The following SPIRE1 variants were observed in gnomAD, a reference collection of about 807,000 sequenced individuals.
SPIRE1 encodes the protein protein spire homolog 1.
A neutral mutation model predicts 94.1 loss-of-function variants in SPIRE1; 40 were observed. That is an observed-to-expected ratio of 0.43 (90% CI 0.33 to 0.55). SPIRE1 has a LOEUF of 0.55. Among genes scored for constraint, SPIRE1 ranks in the 20% least tolerant of loss-of-function variants. The probability of loss-of-function intolerance (pLI) is 0.06; values close to 1 mark genes in which losing one functional copy is unlikely to be tolerated. For missense variants in SPIRE1, 838 were observed against 975.2 expected (o/e 0.86, Z 1.87); for synonymous variants, 376 against 371.7 (o/e 1.01, Z -0.13).
Position 12,657,923 on chromosome 18 carries a change from C to T in SPIRE1, c.-57G>A. ...GCCGTGTGCCGGCGTCTCCTCAGCT[C>T]CGGAGCATCGTCGTCGCGCGCCGCC... On this transcript the variant is annotated 5_prime_UTR_variant, in exon 1 of 17. Transcript: ENST00000409402. 9.8e-7 allele frequency: 1 copy of T among 1,021,132 alleles called. No individual in the cohort carries two copies. Among genetic ancestry groups the T allele is most frequent in the African/African-American group, 1.7e-5 (1 of 57,764 alleles). 63.3% of individuals were successfully genotyped at this position (1,021,132 alleles called of 1,614,324 possible). A position where few individuals can be genotyped will look rare whatever the true frequency, so the allele number is the denominator to read the frequency against.
In SPIRE1 at chr18:12,452,976, C is replaced by A. The variant is rs1333631877; in HGVS notation, c.1847+92G>T. The A allele has an allele frequency of 3.5e-5, 28 of 789,394 alleles. No individual in the cohort carries two copies. The Middle Eastern group carries it at 1.7e-3, about 48-fold the overall frequency. 48.9% of individuals were successfully genotyped at this position (789,394 alleles called of 1,614,324 possible). A position where few individuals can be genotyped will look rare whatever the true frequency, so the allele number is the denominator to read the frequency against. On this transcript the variant is annotated intron_variant, in intron 14 of 16. Coordinates refer to ENST00000409402, the MANE Select transcript of SPIRE1 (RefSeq NM_001128626.2). ...AGAGTGAGTCATTTCTAATTTTATT[C>A]CTGTTTAGAAAGATGGTGAAATAAG...
At chr18:12,602,671 C>T (rs1019394879) in intron 2 of SPIRE1, among the ~76,000 whole-genome samples, 1 of 152,204 alleles carries the variant, frequency 6.6e-6, no homozygotes, top group Non-Finnish European at 1.5e-5. Context: ...AGCCAGGAGG[C>T]TGCAACCCAG....
chr18:12,615,335 A>AAAAAAAAAATAAAAAAAT (rs2037258576), intron 2 of SPIRE1, among the ~76,000 whole-genome samples: 2 of 39,900 alleles, frequency 5.0e-5, no homozygotes, highest in South Asian at 1.1e-3. Context: ...CTCAAAAAAA[A>AAAAAAAAAATAAAAAAAT]AAAAAAAAAA....
At chr18:12,654,305 C>A (rs376943087) in intron 1 of SPIRE1, among the ~76,000 whole-genome samples, 1 of 144,500 alleles carries the variant, frequency 6.9e-6, no homozygotes, top group East Asian at 2.0e-4. Flanking sequence ...CCACTGCACT[C>A]CAGCCTGGGC....
chr18:12,578,583 T>C (rs961663769), intron 2 of SPIRE1, among the ~76,000 whole-genome samples: 1 of 152,186 alleles, frequency 6.6e-6, no homozygotes, highest in African/African-American at 2.4e-5. Flanking sequence ...TTATCAGCAT[T>C]TTATTATATT....
chr18:12,521,892 G>A (rs962341515), intron 4 of SPIRE1, among the ~76,000 whole-genome samples: 2 of 152,006 alleles, frequency 1.3e-5, no homozygotes, highest in African/African-American at 2.4e-5. Flanking sequence ...TGATAAATGC[G>A]TGTGTTCTGA....
At chr18:12,501,674 G>A (rs927600066) in intron 6 of SPIRE1, among the ~76,000 whole-genome samples, 1 of 152,178 alleles carries the variant, frequency 6.6e-6, no homozygotes, top group Admixed American at 6.5e-5. Context: ...GAGCCATGGC[G>A]CCTGGCCCAG....
At position 12,453,062 on chromosome 18, in the gene SPIRE1, C is replaced by T; in HGVS notation, c.1847+6G>A. Reference sequence around the variant, plus strand: ...TTATCTTTTCATCAATTACAAAATACCTTACCTCTTACAGAACTGACAGGT... The same window carrying T: ...TTATCTTTTCATCAATTACAAAATATCTTACCTCTTACAGAACTGACAGGT... On this transcript the variant is annotated splice_donor_region_variant and intron_variant, in intron 14 of 16. Transcript: ENST00000409402. 1 of 1,558,808 alleles carries T rather than the reference C, an allele frequency of 6.4e-7. No individual in the cohort carries two copies. Among genetic ancestry groups the T allele is most frequent in the Non-Finnish European group, 8.7e-7 (1 of 1,155,148 alleles).
chr18:12,582,781 C>T (rs1031237765), intron 2 of SPIRE1, among the ~76,000 whole-genome samples: 1 of 152,110 alleles, frequency 6.6e-6, no homozygotes, highest in African/African-American at 2.4e-5. Flanking sequence ...TTCATTCATC[C>T]ATCCCTTCAT....
intron 2 of SPIRE1, among the ~76,000 whole-genome samples, chr18:12,554,285 A>G (rs1478324422): frequency 6.7e-6 from 1 of 149,248 alleles, no homozygotes; most frequent in African/African-American, 2.5e-5. Context: ...GCAACAGAGC[A>G]AGACTCTGTT....
At chr18:12,569,636 C>CAAAAA (rs71172101) in intron 2 of SPIRE1, among the ~76,000 whole-genome samples, 1 of 142,020 alleles carries the variant, frequency 7.0e-6, no homozygotes. Context: ...ACAACAACAA[C>CAAAAA]AAAAAAAAAA....
chr18:12,504,227 C>T (rs1341550912), intron 6 of SPIRE1, among the ~76,000 whole-genome samples: 1 of 147,644 alleles, frequency 6.8e-6, no homozygotes, highest in Non-Finnish European at 1.5e-5. Context: ...AGTGACGTGG[C>T]TGGGCATGGT....
At chr18:12,490,021 C>A (rs1016456529) in intron 8 of SPIRE1, among the ~76,000 whole-genome samples, 8 of 152,054 alleles carry the variant, frequency 5.3e-5, no homozygotes, top group Non-Finnish European at 8.8e-5. Flanking sequence ...CTCCCCAAAG[C>A]AAAACTGTAT....
chr18:12,540,729 G>T (rs769768139), intron 3 of SPIRE1, among the ~76,000 whole-genome samples: 4 of 152,146 alleles, frequency 2.6e-5, no homozygotes, highest in Admixed American at 1.3e-4. Flanking sequence ...GCAATTGTTA[G>T]GATTTAAATT....
chr18:12,578,583 TTTA>T (rs2036172504), intron 2 of SPIRE1, among the ~76,000 whole-genome samples: 1 of 152,186 alleles, frequency 6.6e-6, no homozygotes, highest in African/African-American at 2.4e-5. Context: ...TTATCAGCAT[TTTA>T]TTATATTTAA....
At chr18:12,623,636 G>A (rs567364105) in intron 2 of SPIRE1, among the ~76,000 whole-genome samples, 2 of 151,468 alleles carry the variant, frequency 1.3e-5, no homozygotes, top group Non-Finnish European at 1.5e-5. Context: ...ATTCTTTTTT[G>A]TTTTGTTTTT....
chr18:12,507,944 A>G (rs907008185), intron 5 of SPIRE1, among the ~76,000 whole-genome samples: 12 of 151,990 alleles, frequency 7.9e-5, no homozygotes, highest in Admixed American at 7.2e-4. Flanking sequence ...CAGAAGATCG[A>G]GACCATCCTG....
At chr18:12,626,093 A>G (rs946377911) in intron 2 of SPIRE1, among the ~76,000 whole-genome samples, 3 of 148,814 alleles carry the variant, frequency 2.0e-5, no homozygotes, top group Admixed American at 6.9e-5. Context: ...TAAACGAGCC[A>G]GAAGGTAGAA....
chr18:12,632,577 C>T (rs1384262367), intron 2 of SPIRE1, among the ~76,000 whole-genome samples: 1 of 152,110 alleles, frequency 6.6e-6, no homozygotes, highest in African/African-American at 2.4e-5. Context: ...AATGACCATC[C>T]ACAATCCCAA....
Sources: gnomAD v4.1 joint callset for allele counts (sites outside exome capture counted in the v4.1 genomes callset) on GRCh38, gnomAD v4.1.1 for gene constraint, MANE v1.5 for transcripts, NCBI Gene and HGNC (gene_info 2026-07-23, HGNC 2026-07-21) for gene names.